TIAM2: variants seen among roughly 807,000 people sequenced by gnomAD.
TIAM2 encodes the protein TIAM Rac1 associated GEF 2.
A neutral mutation model predicts 152.9 loss-of-function variants in TIAM2; 80 were observed. That is an observed-to-expected ratio of 0.52 (90% CI 0.44 to 0.63). The LOEUF is 0.63. TIAM2 is among the 30% of genes least tolerant of loss of function. TIAM2 has a pLI of 0.00. For synonymous variants in TIAM2, 804 were observed against 838.0 expected, an observed-to-expected ratio of 0.96 and a Z score of 0.70; for missense variants, 1,965 against 2,120.1, an observed-to-expected ratio of 0.93 and a Z score of 1.44.
intron 1 of TIAM2, among the ~76,000 whole-genome samples, chr6:154,997,365 G>T (rs1425586515): frequency 6.6e-6 from 1 of 152,162 alleles, no homozygotes; most frequent in African/African-American, 2.4e-5. Context: ...TTGCACAGTT[G>T]TTCAGGCTGT....
At chr6:155,083,291 G>A (rs1442371079) in intron 1 of TIAM2, among the ~76,000 whole-genome samples, 3 of 149,628 alleles carry the variant, frequency 2.0e-5, no homozygotes, top group Admixed American at 6.8e-5. Context: ...AGAGGTTACA[G>A]TGAGCCAAGA....
At chr6:155,211,862 C>T (rs1328861127) in intron 15 of TIAM2, among the ~76,000 whole-genome samples, 1 of 152,180 alleles carries the variant, frequency 6.6e-6, no homozygotes, top group Non-Finnish European at 1.5e-5. Context: ...ACCCCTTAAA[C>T]AATAACTCTC....
intron 1 of TIAM2, among the ~76,000 whole-genome samples, chr6:155,024,772 C>G (rs1776565904): frequency 6.6e-6 from 1 of 152,020 alleles, no homozygotes; most frequent in Non-Finnish European, 1.5e-5. Context: ...CTTTCTTTTC[C>G]CTTTTGTGTC....
intron 14 of TIAM2, among the ~76,000 whole-genome samples, chr6:155,208,378 T>C (rs1053602651): frequency 6.6e-6 from 1 of 152,208 alleles, no homozygotes; most frequent in African/African-American, 2.4e-5. Flanking sequence ...TGTACCCTTA[T>C]GCACTGATGT....
At chr6:155,254,324 A>G in intron 25 of TIAM2, 95 bp from the exon 26 acceptor site, 1 of 1,508,664 alleles carries the variant, frequency 6.6e-7, no homozygotes, top group South Asian at 1.3e-5. Context: ...AGCCTGGTCC[A>G]GCAGGTGCAA....
Position 155,240,598 on chromosome 6 carries a change from G to A in TIAM2, c.3237G>A (p.Pro1079=), listed in dbSNP as rs746497113. 7.4e-6 allele frequency: 12 copies of A among 1,614,016 alleles called. No individual in the cohort carries two copies. Among genetic ancestry groups the A allele is most frequent in the Admixed American group, 3.3e-5 (2 of 60,010 alleles). ...GTCAGGCCAACGGCATGGAAGGACCGCGGGAGAATCAGGATCCTCCTCCGA... is the reference window on the plus strand; with the variant it reads ...GTCAGGCCAACGGCATGGAAGGACCACGGGAGAATCAGGATCCTCCTCCGA... ...NDSQANGMEG[P]RENQDPPPRS... The change falls in exon 16 of 27, where the codon CCG becomes CCA. Residue 1079 remains proline, a synonymous_variant. Coordinates refer to ENST00000682666, the MANE Select transcript of TIAM2 (RefSeq NM_012454.4).
chr6:155,166,719 G>A (rs1780448139), intron 9 of TIAM2, among the ~76,000 whole-genome samples: 2 of 152,174 alleles, frequency 1.3e-5, no homozygotes, highest in African/African-American at 4.8e-5. Flanking sequence ...TTGAATATGT[G>A]TATTTCATGG....
At chr6:155,200,943 A>T (rs932172551) in intron 14 of TIAM2, among the ~76,000 whole-genome samples, 1 of 152,060 alleles carries the variant, frequency 6.6e-6, no homozygotes, top group African/African-American at 2.4e-5. Flanking sequence ...AAATAAAAAT[A>T]AAAAAAGAAG....
chr6:155,094,493 G>A (rs575549060), intron 2 of TIAM2, among the ~76,000 whole-genome samples: 1 of 150,708 alleles, frequency 6.6e-6, no homozygotes, highest in South Asian at 2.1e-4. Context: ...TTGCAAACAA[G>A]TGGTTTCTGT....
At chr6:155,114,012 C>CTT (rs1182332981) in intron 2 of TIAM2, among the ~76,000 whole-genome samples, 1 of 41,660 alleles carries the variant, frequency 2.4e-5, no homozygotes, top group Non-Finnish European at 4.4e-5. Context: ...TTATACTTTA[C>CTT]TTTATATATA....
At chr6:155,244,218 C>A in intron 17 of TIAM2, 139 bp downstream of exon 17, 3 of 813,246 alleles carry the variant, frequency 3.7e-6, no homozygotes, top group South Asian at 1.7e-5. Flanking sequence ...GAGTCCCAGG[C>A]ATAGCCTCCT....
intron 2 of TIAM2, among the ~76,000 whole-genome samples, chr6:155,120,357 C>CT (rs1341090625): frequency 4.6e-5 from 7 of 152,196 alleles, no homozygotes; most frequent in Non-Finnish European, 1.0e-4. Context: ...TTTCTGCTCA[C>CT]TTTTTTTGTA....
At position 155,233,874 on chromosome 6, in the gene TIAM2, G is replaced by C. The variant is rs552067207; in HGVS notation, c.3169-6656G>C. Among the ~76,000 whole-genome samples, 17 of 151,988 alleles carry C rather than the reference G, an allele frequency of 1.1e-4. No individual in the cohort carries two copies. In the East Asian group the frequency reaches 3.3e-3, roughly 30 times the overall value. On this transcript the variant is annotated intron_variant, in intron 15 of 26. Transcript: ENST00000682666. Reference sequence around the variant, plus strand: ...GCTGCTTAGGAGGCTGAGGTGGGAGGGTTGCTTAATTTCAGGAGTTTGAGG... The same window carrying C: ...GCTGCTTAGGAGGCTGAGGTGGGAGCGTTGCTTAATTTCAGGAGTTTGAGG...
In TIAM2 at chr6:155,213,264, C is replaced by T. The variant is rs910040203; in HGVS notation, c.3168+1957C>T. 6.6e-6 allele frequency among the ~76,000 whole-genome samples: 1 copy of T among 152,188 alleles called. No individual in the cohort carries two copies. The highest frequency in any genetic ancestry group is 1.5e-5 in the Non-Finnish European group (1 of 68,044). On this transcript the variant is annotated intron_variant, in intron 15 of 26. Transcript: ENST00000682666. This position sits in a 1 kb window ranked among gnomAD's most constrained non-coding sequence, Gnocchi z 4.2. ...CAAGGTGAAGAGGAGCTTTATTGAG[C>T]TGTAGAACAGCTCAGAGGAAACCCA...
At chr6:155,182,448 G>GT in intron 13 of TIAM2, 130 bp downstream of exon 13, 1 of 794,202 alleles carries the variant, frequency 1.3e-6, no homozygotes. Context: ...GAAAGTAAAC[G>GT]TAAGAGTTTA....
chr6:155,181,909 C>T (rs1444614604), intron 12 of TIAM2, among the ~76,000 whole-genome samples: 1 of 152,212 alleles, frequency 6.6e-6, no homozygotes, highest in Non-Finnish European at 1.5e-5. Flanking sequence ...TCACATTTTG[C>T]TTATCCATCC....
chr6:155,062,639 C>T (rs1216106136), intron 1 of TIAM2, among the ~76,000 whole-genome samples: 2 of 146,646 alleles, frequency 1.4e-5, no homozygotes, highest in South Asian at 2.2e-4. Flanking sequence ...AGTGCAATGG[C>T]GTGATCTCGG....
At chr6:155,131,162 C>A (rs1207042219) in intron 4 of TIAM2, among the ~76,000 whole-genome samples, 1 of 152,164 alleles carries the variant, frequency 6.6e-6, no homozygotes, top group Non-Finnish European at 1.5e-5. Flanking sequence ...GAGTTTGAGA[C>A]CAGCCTGGCC....
chr6:155,249,523 TA>T (rs1783530337), intron 20 of TIAM2, among the ~76,000 whole-genome samples: 1 of 152,242 alleles, frequency 6.6e-6, no homozygotes, highest in African/African-American at 2.4e-5. Flanking sequence ...TTGCGGGCAC[TA>T]AATGAGATGA....
Sources: allele counts gnomAD v4.1 joint callset (sites outside exome capture counted in the v4.1 genomes callset), GRCh38; gene constraint gnomAD v4.1.1; non-coding constraint Gnocchi (gnomAD v3.1); transcripts MANE v1.5; gene names NCBI Gene and HGNC (gene_info 2026-07-23, HGNC 2026-07-21).